The following FANCI variants were observed in gnomAD, a reference collection of about 807,000 sequenced individuals.
FANCI encodes the protein Fanconi anemia group I protein.
Under a neutral mutation model 176.1 loss-of-function variants are expected in FANCI, and 156 were observed. The observed-to-expected ratio is 0.89, with a 90% CI of 0.78 to 1.01. The LOEUF (loss-of-function observed/expected upper bound fraction) is 1.01, where lower values mean the gene tolerates loss of function less well. Ranked by LOEUF, FANCI falls within the 50% of genes least tolerant of loss-of-function variation. FANCI has a pLI of 0.00. For synonymous variants in FANCI, 613 were observed against 541.7 expected, an observed-to-expected ratio of 1.13 and a Z score of -1.83; for missense variants, 1,678 against 1,534.1, an observed-to-expected ratio of 1.09 and a Z score of -1.57.
chr15:89,295,078 C>G lies in FANCI; in HGVS notation c.2620C>G (p.Leu874Val). ...GQNPEKIFQN[L>V]CDITRVLLWR... is the part of the protein sequence containing the mutation. ...AAACCCAGAAAAGATCTTTCAGAAC[C>G]TCTGTGACATAACTCGGTAAGCCAC... The change falls in exon 24 of 38, where the codon CTC (leucine) becomes GTC (valine). Residue 874 changes from leucine (L) to valine (V), a missense_variant. Transcript: ENST00000310775. 1 of 1,551,770 alleles carries G rather than the reference C, an allele frequency of 6.4e-7. No homozygotes were observed. Among genetic ancestry groups the G allele is most frequent in the Non-Finnish European group, 8.7e-7 (1 of 1,147,024 alleles).
intron 2 of FANCI, among the ~76,000 whole-genome samples, chr15:89,257,960 C>A (rs1242431156): frequency 6.6e-6 from 1 of 152,200 alleles, no homozygotes; most frequent in Non-Finnish European, 1.5e-5. Context: ...TAGAGAAAAG[C>A]TAAACTTCCT....
At chr15:89,284,703 C>G (rs1196653118) in intron 17 of FANCI, among the ~76,000 whole-genome samples, 2 of 152,208 alleles carry the variant, frequency 1.3e-5, no homozygotes, top group African/African-American at 4.8e-5. Context: ...GACTGTCTTC[C>G]TCTCAACCTT....
intron 6 of FANCI, among the ~76,000 whole-genome samples, 198 bp from the exon 7 acceptor site, chr15:89,263,221 T>A (rs1005288981): frequency 1.3e-4 from 20 of 152,240 alleles, no homozygotes; most frequent in African/African-American, 4.8e-4. Context: ...ACATTGGGTA[T>A]CATCAGAATT....
intron 32 of FANCI, among the ~76,000 whole-genome samples, chr15:89,306,673 T>C (rs530094143): frequency 6.6e-6 from 1 of 152,072 alleles, no homozygotes; most frequent in Non-Finnish European, 1.5e-5. Context: ...GCGTTGGCAA[T>C]AGAGTGAGAC....
chr15:89,276,692 AAGCTTTGTGTTCTTGT>A lies in FANCI; in HGVS notation c.1113-15_1113del. 1 of 1,614,058 alleles carries A rather than the reference AAGCTTTGTGTTCTTGT, an allele frequency of 6.2e-7. No individual in the cohort carries two copies. Among genetic ancestry groups the A allele is most frequent in the Non-Finnish European group, 8.5e-7 (1 of 1,179,934 alleles). On this transcript the variant is annotated splice_region_variant and splice_polypyrimidine_tract_variant and intron_variant, in intron 12 of 37. Transcript: ENST00000310775. ...CTCACTAAGTTTTTCTTTTTTAACTAAGCTTTGTGTTCTTGTAGCGTTCATAGCTGGGACCATGTTA... is the reference window on the plus strand; with the variant it reads ...CTCACTAAGTTTTTCTTTTTTAACTAAGCGTTCATAGCTGGGACCATGTTA...
Position 89,266,372 on chromosome 15 carries a change from A to G in FANCI, c.755+1765A>G, listed in dbSNP as rs1200891853. Among the ~76,000 whole-genome samples, 7 of 144,924 alleles carry G rather than the reference A, an allele frequency of 4.8e-5. No individual in the cohort carries two copies. In the East Asian group the frequency reaches 1.4e-3, roughly 29 times the overall value. The stretch of plus-strand genomic sequence containing the variant: ...GAGAGGAAGTCTCACTGTGTTGCCC[A>G]GGCTGGAGTACATTGGCATGATGTC... On this transcript the variant is annotated intron_variant, in intron 9 of 37. Coordinates refer to ENST00000310775, the MANE Select transcript of FANCI (RefSeq NM_001113378.2).
rs2053617595 is a variant in FANCI at position 89,281,624 on chromosome 15, G to A, written c.1513-141G>A. 3.3e-5 allele frequency: 28 copies of A among 847,432 alleles called. No homozygotes were observed. The South Asian group carries it at 3.5e-4, about 10-fold the overall frequency. 52.5% of individuals were successfully genotyped at this position (847,432 alleles called of 1,614,324 possible). On this transcript the variant is annotated intron_variant, in intron 15 of 37. Coordinates refer to ENST00000310775, the MANE Select transcript of FANCI (RefSeq NM_001113378.2). ...TGTTTCAGAGTATACTATTGTCCTT[G>A]TTAACTGTAATAAACATTAAAACGT...
intron 31 of FANCI, 53 bp from the exon 32 acceptor site, chr15:89,305,954 C>T: frequency 6.3e-7 from 1 of 1,581,120 alleles, no homozygotes; most frequent in Admixed American, 1.7e-5. Flanking sequence ...CTCCTTTACT[C>T]TTAATTAGAA....
chr15:89,263,422 G>A lies in FANCI; in HGVS notation c.507G>A (p.Trp169Ter), dbSNP rs878854181. ...CTTTGTCATTTTCTTCTACCAGGTG[G>A]GATCAGCAATATGTAATCCAACTCA... ...QLINTLCSGR[W>*]DQQYVIQLTS... The change falls in exon 7 of 38, where the codon TGG (tryptophan) becomes TGA (stop). Residue 169 changes from tryptophan to a stop codon, truncating the protein, a stop_gained. Transcript: ENST00000310775. LOFTEE classifies it high-confidence loss of function. 6.2e-7 allele frequency: 1 copy of A among 1,612,190 alleles called. No individual in the cohort carries two copies. The highest frequency in any genetic ancestry group is 8.5e-7 in the Non-Finnish European group (1 of 1,178,612).
intron 18 of FANCI, among the ~76,000 whole-genome samples, chr15:89,288,268 A>C (rs2053902711): frequency 6.6e-6 from 1 of 152,186 alleles, no homozygotes; most frequent in Non-Finnish European, 1.5e-5. Context: ...GCAAAGGTGC[A>C]CTAAGGATAG....
chr15:89,265,460 G>C lies in FANCI; in HGVS notation c.755+853G>C, dbSNP rs546127475. ...GGCCTGAAGTGATTCACCCTCCTCG[G>C]TCTCTCAAAGTGCTGGGATTACAGA... On this transcript the variant is annotated intron_variant, in intron 9 of 37. Coordinates refer to ENST00000310775, the MANE Select transcript of FANCI (RefSeq NM_001113378.2). 2.6e-5 allele frequency among the ~76,000 whole-genome samples: 4 copies of C among 152,100 alleles called. No individual in the cohort carries two copies. In the South Asian group the frequency reaches 8.3e-4, roughly 32 times the overall value.
chr15:89,302,524 G>A (rs1043240099), intron 27 of FANCI, among the ~76,000 whole-genome samples: 8 of 151,660 alleles, frequency 5.3e-5, no homozygotes, highest in Non-Finnish European at 1.0e-4. Context: ...ATTTTTAAAC[G>A]TTTTACCACC....
chr15:89,276,943 T>C lies in FANCI; in HGVS notation c.1293+52T>C, dbSNP rs758859481. On this transcript the variant is annotated intron_variant, in intron 13 of 37. Transcript: ENST00000310775. The stretch of plus-strand genomic sequence containing the variant: ...CCTAATTTTGTTTAAATAATCCAAG[T>C]AGGGCTTGGCATTTGCCTGGGAGTT... The C allele has an allele frequency of 2.5e-5, 40 of 1,585,760 alleles. No homozygotes were observed. In the Admixed American group the frequency reaches 5.3e-4, roughly 21 times the overall value.
rs1555445436 is a variant in FANCI, at chr15:89,277,630, A to AAAAG, written c.1293+741_1293+742insAGAA. On this transcript the variant is annotated intron_variant, in intron 13 of 37. Coordinates refer to ENST00000310775, the MANE Select transcript of FANCI (RefSeq NM_001113378.2). ...CTATCTCAAAAAAAAAAAAAAAAAA[A>AAAAG]AAGAATCATACTTATTGGTTCATTG... 6.8e-5 allele frequency among the ~76,000 whole-genome samples: 10 copies of AAAAG among 146,088 alleles called. 1 individual carries two copies. The highest frequency in any genetic ancestry group is 1.4e-4 in the Admixed American group (2 of 14,568).
At chr15:89,246,319 C>T (rs895616522) in intron 1 of FANCI, among the ~76,000 whole-genome samples, 7 of 152,176 alleles carry the variant, frequency 4.6e-5, no homozygotes, top group African/African-American at 1.7e-4. Context: ...TTAGCATTTG[C>T]TGTTTCTTCT....
Position 89,255,859 on chromosome 15 carries a change from G to A in FANCI, c.85-2845G>A, listed in dbSNP as rs146813705. On this transcript the variant is annotated intron_variant, in intron 2 of 37. Transcript: ENST00000310775. The stretch of plus-strand genomic sequence containing the variant: ...CACATAAGTGGAAGGAGGAAGAAGG[G>A]GAGTAGAGGACAGAGTCAATAGAAG... Among the ~76,000 whole-genome samples, 413 of 152,292 alleles carry A rather than the reference G, an allele frequency of 2.7e-3. 8 individuals carry two copies. The highest frequency in any genetic ancestry group is 0.015 in the East Asian group (77 of 5,180).
At chr15:89,284,946 G>A (rs528634933) in intron 17 of FANCI, 150 bp from the exon 18 acceptor site, 171 of 825,660 alleles carry the variant, frequency 2.1e-4, no homozygotes, top group Middle Eastern at 5.0e-4. Flanking sequence ...ACTTACTACT[G>A]CATGGTAATG....
chr15:89,259,713 C>T (rs2052636932), intron 3 of FANCI, among the ~76,000 whole-genome samples: 1 of 152,168 alleles, frequency 6.6e-6, no homozygotes, highest in Non-Finnish European at 1.5e-5. Flanking sequence ...ACAGATTTGT[C>T]TATTCTGGAC....
intron 35 of FANCI, among the ~76,000 whole-genome samples, chr15:89,314,237 T>C (rs971964400): frequency 5.9e-5 from 9 of 152,136 alleles, no homozygotes; most frequent in African/African-American, 1.2e-4. Context: ...GGGAAAGATA[T>C]ATAATCCCAG....
Sources: allele counts gnomAD v4.1 joint callset (sites outside exome capture counted in the v4.1 genomes callset), GRCh38; gene constraint gnomAD v4.1.1; transcripts MANE v1.5; gene names NCBI Gene and HGNC (gene_info 2026-07-23, HGNC 2026-07-21).